The following ST7 variants were observed in gnomAD, a reference collection of about 807,000 sequenced individuals.
The protein encoded by ST7 is suppressor of tumorigenicity 7 protein.
A neutral mutation model predicts 78.7 loss-of-function variants in ST7; 28 were observed. The ratio of observed to expected loss-of-function variants is 0.36; its 90% confidence interval spans 0.26 to 0.49. The LOEUF (loss-of-function observed/expected upper bound fraction) is 0.49, where lower values mean the gene tolerates loss of function less well. Among genes scored for constraint, ST7 ranks in the 20% least tolerant of loss-of-function variants. ST7 has a pLI of 0.99. For synonymous variants in ST7, 247 were observed against 249.6 expected (o/e 0.99, Z 0.10); for missense variants, 418 against 696.0 (o/e 0.60, Z 4.49).
At chr7:117,065,751 A>G (rs1023512472) in intron 1 of ST7, among the ~76,000 whole-genome samples, 3 of 152,212 alleles carry the variant, frequency 2.0e-5, no homozygotes, top group African/African-American at 7.2e-5. Flanking sequence ...GCAGCCAGTC[A>G]TCTTTTTGAA....
chr7:117,092,278 CAAAAAAAA>C (rs747378081), intron 1 of ST7, among the ~76,000 whole-genome samples: 153 of 30,288 alleles, frequency 5.1e-3, no homozygotes, highest in Middle Eastern at 0.042. Flanking sequence ...GACTCCGTCT[CAAAAAAAA>C]AAAAAAAAAA....
intron 9 of ST7, among the ~76,000 whole-genome samples, chr7:117,148,285 T>C (rs1328302809): frequency 2.6e-5 from 4 of 152,190 alleles, no homozygotes; most frequent in Admixed American, 2.6e-4. Context: ...ATATTTATCT[T>C]CCTTGAATTT....
Position 117,230,068 on chromosome 7 carries a change from G to C in ST7, c.*211G>C, listed in dbSNP as rs1053872219. 4.2e-6 allele frequency: 3 copies of C among 712,724 alleles called. No homozygotes were observed. Among genetic ancestry groups the C allele is most frequent in the Non-Finnish European group, 5.2e-6 (2 of 384,512 alleles). The allele number at this position is 712,724 out of a possible 1,614,324, so 44.1% of individuals were successfully genotyped here. A position where few individuals can be genotyped will look rare whatever the true frequency, so the allele number is the denominator to read the frequency against. On this transcript the variant is annotated 3_prime_UTR_variant, in exon 16 of 16. Transcript: ENST00000323984. ...ATTTTATTTTGCCTTCAGAAAAGAA[G>C]AAAGTCAAAAATAAAACTTTTGTGT...
chr7:117,111,988 G>T (rs527800560), intron 2 of ST7, among the ~76,000 whole-genome samples: 1 of 152,172 alleles, frequency 6.6e-6, no homozygotes, highest in South Asian at 2.1e-4. Flanking sequence ...AAATGTGTGT[G>T]TATGTATTTC....
chr7:117,210,639 G>A lies in ST7; in HGVS notation c.1405+702G>A, dbSNP rs945931155. On this transcript the variant is annotated intron_variant, in intron 13 of 15. Transcript: ENST00000323984. ...TTTTCAGAAGGGAGAGGTCCATGGG[G>A]TGGAGTGATCTTGGTTAACATTATG... is the stretch of plus-strand genomic sequence containing the variant. Among the ~76,000 whole-genome samples, 15 of 152,316 alleles carry A rather than the reference G, an allele frequency of 9.8e-5. No individual in the cohort carries two copies. In the East Asian group the frequency reaches 2.5e-3, roughly 25 times the overall value.
chr7:117,210,271 T>A (rs1018942201), intron 13 of ST7, among the ~76,000 whole-genome samples: 3 of 152,230 alleles, frequency 2.0e-5, no homozygotes, highest in African/African-American at 7.2e-5. Context: ...TGGCATTGGG[T>A]TAGGCTTCGT....
At position 116,972,330 on chromosome 7, in the gene ST7, A is replaced by G. The variant is rs1562985863; in HGVS notation, c.151+18639A>G. On this transcript the variant is annotated intron_variant, in intron 1 of 15. Coordinates refer to ENST00000323984, the MANE Select transcript of ST7 (RefSeq NM_001369598.1). ...CACGGGCCTCTCCCTCCTTGAATTTATCAGTAAGAATCTTGATCTCTTTCT... is the reference window on the plus strand; with the variant it reads ...CACGGGCCTCTCCCTCCTTGAATTTGTCAGTAAGAATCTTGATCTCTTTCT... The G allele has an allele frequency of 5.0e-6, 3 of 596,068 alleles. No individual in the cohort carries two copies. The South Asian group carries it at 5.2e-5, about 10-fold the overall frequency. 36.9% of individuals were successfully genotyped at this position (596,068 alleles called of 1,614,324 possible). A position where few individuals can be genotyped will look rare whatever the true frequency, so the allele number is the denominator to read the frequency against.
intron 1 of ST7, among the ~76,000 whole-genome samples, chr7:116,961,699 C>T (rs1302123152): frequency 2.0e-5 from 3 of 151,182 alleles, no homozygotes; most frequent in African/African-American, 7.3e-5. Flanking sequence ...ATTTTATATC[C>T]TGAGACTTTG....
intron 1 of ST7, among the ~76,000 whole-genome samples, chr7:116,993,757 G>T (rs1198077503): frequency 6.6e-6 from 1 of 152,210 alleles, no homozygotes; most frequent in Non-Finnish European, 1.5e-5. Flanking sequence ...TATTTAGAAG[G>T]ATCAGGGATG....
intron 2 of ST7, among the ~76,000 whole-genome samples, chr7:117,105,495 T>A (rs372292469): frequency 1.3e-5 from 2 of 152,192 alleles, no homozygotes; most frequent in Admixed American, 1.3e-4. Context: ...TTGCCCAGGC[T>A]GGTGTTGAAT....
At chr7:117,152,153 A>C (rs1266027062) in intron 9 of ST7, among the ~76,000 whole-genome samples, 5 of 133,354 alleles carry the variant, frequency 3.7e-5, no homozygotes, top group Non-Finnish European at 7.7e-5. Context: ...TATATATAAA[A>C]TATATGTATT....
chr7:117,095,297 G>A (rs1800942899), intron 1 of ST7, among the ~76,000 whole-genome samples: 1 of 152,194 alleles, frequency 6.6e-6, no homozygotes, highest in African/African-American at 2.4e-5. Flanking sequence ...TGATTCCTGA[G>A]TAAGCCTTCT....
At chr7:117,013,387 CT>C (rs780121671) in intron 1 of ST7, among the ~76,000 whole-genome samples, 2 of 152,176 alleles carry the variant, frequency 1.3e-5, no homozygotes, top group Non-Finnish European at 2.9e-5. Context: ...ATGAGATAGG[CT>C]CACTTAGCAA....
chr7:117,164,803 C>A (rs181614680), intron 9 of ST7, among the ~76,000 whole-genome samples: 4 of 138,286 alleles, frequency 2.9e-5, no homozygotes, highest in South Asian at 4.6e-4. Context: ...ATAATCCCAG[C>A]ACTAACTTGG....
chr7:116,996,367 A>G (rs1303405233), intron 1 of ST7, among the ~76,000 whole-genome samples: 1 of 152,130 alleles, frequency 6.6e-6, no homozygotes, highest in Admixed American at 6.5e-5. Flanking sequence ...GTGAGCCACT[A>G]TGCCCGGCCA....
At chr7:117,147,107 C>G (rs532004808) in intron 9 of ST7, among the ~76,000 whole-genome samples, 1 of 152,134 alleles carries the variant, frequency 6.6e-6, no homozygotes, top group East Asian at 1.9e-4. Flanking sequence ...CTGTTTTACT[C>G]AACACTGTTT....
intron 12 of ST7, among the ~76,000 whole-genome samples, chr7:117,201,575 A>G (rs867373832): frequency 6.8e-6 from 1 of 147,056 alleles, no homozygotes; most frequent in Non-Finnish European, 1.5e-5. Flanking sequence ...TTTTTTTTCC[A>G]TGAGACAGGG....
rs1183099900 is a variant in ST7, at chr7:117,219,974, TTTTTCTCCCTCAG to T, written c.1498+799_1498+811del. Among the ~76,000 whole-genome samples the T allele has an allele frequency of 1.3e-5, 2 of 152,228 alleles. No individual in the cohort carries two copies. Among genetic ancestry groups the T allele is most frequent in the Non-Finnish European group, 2.9e-5 (2 of 68,042 alleles). On this transcript the variant is annotated intron_variant, in intron 14 of 15. Transcript: ENST00000323984. The surrounding 1 kb of genome is among the most constrained non-coding windows in gnomAD (Gnocchi z 5.1). ...TCATGTGGCCCAGACTTAGGATATA[TTTTTCTCCCTCAG>T]ATAATAAGCTCCAAATTTTAGCTCT... is the stretch of plus-strand genomic sequence containing the variant.
chr7:116,976,616 C>T (rs1280075197), intron 1 of ST7, among the ~76,000 whole-genome samples: 5 of 152,186 alleles, frequency 3.3e-5, no homozygotes. Context: ...TTTCATGGAC[C>T]CCAGCTTGTC....
Sources: gnomAD v4.1 joint callset for allele counts (sites outside exome capture counted in the v4.1 genomes callset) on GRCh38, gnomAD v4.1.1 for gene constraint, Gnocchi (gnomAD v3.1) non-coding constraint, MANE v1.5 for transcripts, NCBI Gene and HGNC (gene_info 2026-07-23, HGNC 2026-07-21) for gene names.